The following SNX8 variants were observed in gnomAD, a reference collection of about 807,000 sequenced individuals.
The protein encoded by SNX8 is sorting nexin-8.
Under a neutral mutation model 51.6 loss-of-function variants are expected in SNX8, and 25 were observed. The ratio of observed to expected loss-of-function variants is 0.48; its 90% CI spans 0.35 to 0.68. SNX8 has a LOEUF of 0.68. SNX8 is among the 30% of genes least tolerant of loss of function. The pLI, the probability that SNX8 is intolerant of heterozygous loss-of-function variation, is 0.00. For missense variants in SNX8, 695 were observed against 624.0 expected, an observed-to-expected ratio of 1.11 and a Z score of -1.21; for synonymous variants, 324 against 277.0, an observed-to-expected ratio of 1.17 and a Z score of -1.68.
chr7:2,318,578 C>T (rs192641819), upstream of SNX8, among the ~76,000 whole-genome samples: 2 of 151,700 alleles, frequency 1.3e-5, no homozygotes, highest in East Asian at 3.9e-4. Flanking sequence ...CGCCTGTAAT[C>T]CCAGCTACTC....
At chr7:2,282,377 T>G (rs983320187) in intron 1 of SNX8, among the ~76,000 whole-genome samples, 7 of 152,196 alleles carry the variant, frequency 4.6e-5, no homozygotes, top group Admixed American at 4.6e-4. Context: ...AAACCAGGCA[T>G]GCGGTGAGGG....
intron 3 of SNX8, among the ~76,000 whole-genome samples, chr7:2,273,535 G>T (rs1323156441): frequency 6.7e-6 from 1 of 150,044 alleles, no homozygotes; most frequent in Non-Finnish European, 1.5e-5. Flanking sequence ...GCAGTGAGCC[G>T]AGACCGCACC....
At position 2,328,851 on chromosome 7, in the gene SNX8, C is replaced by T. The variant is rs1480017226; in HGVS notation, c.-66+25371G>A. Among the ~76,000 whole-genome samples, 5 of 151,812 alleles carry T rather than the reference C, an allele frequency of 3.3e-5. No individual in the cohort carries two copies. The East Asian group carries it at 5.8e-4, about 18-fold the overall frequency. On this transcript the variant is annotated intron_variant, in intron 1 of 5. Coordinates refer to the SNX8 transcript ENST00000435336. ...CTGTAATCCCAGCACTTTGGGAGGC[C>T]GAGGTGGGTGGATCACAAGGTCAGG... is the stretch of plus-strand genomic sequence containing the variant.
At chr7:2,295,263 G>C (rs969361049) in intron 1 of SNX8, among the ~76,000 whole-genome samples, 1 of 151,850 alleles carries the variant, frequency 6.6e-6, no homozygotes, top group Non-Finnish European at 1.5e-5. Flanking sequence ...AATTAGCCAA[G>C]TGTGGTGGCA....
chr7:2,346,669 C>T (rs1779033490), intron 1 of SNX8, among the ~76,000 whole-genome samples: 1 of 137,802 alleles, frequency 7.3e-6, no homozygotes, highest in African/African-American at 2.6e-5. Flanking sequence ...TGGCGTGAAC[C>T]TGGGAGGCGG....
In SNX8 at chr7:2,304,350, C is replaced by A. The variant is rs527645465; in HGVS notation, c.94+9978G>T. The stretch of plus-strand genomic sequence containing the variant: ...ACGAGGTCAGGAGATAGAGACCATC[C>A]TGGCTAACAGGGTGAAACCCCATCT... On this transcript the variant is annotated intron_variant, in intron 1 of 10. Coordinates refer to ENST00000222990, the MANE Select transcript of SNX8 (RefSeq NM_013321.4). 9.3e-5 allele frequency among the ~76,000 whole-genome samples: 14 copies of A among 151,080 alleles called. No individual in the cohort carries two copies. The East Asian group carries it at 2.6e-3, about 28-fold the overall frequency.
At chr7:2,302,895 C>T (rs868236496) in intron 1 of SNX8, among the ~76,000 whole-genome samples, 12 of 147,790 alleles carry the variant, frequency 8.1e-5, no homozygotes, top group African/African-American at 2.5e-4. Context: ...GTGAGGAGCC[C>T]CTCCGCCCGG....
intron 1 of SNX8, 149 bp downstream of exon 1, chr7:2,314,179 C>CCAG: frequency 3.5e-6 from 3 of 855,008 alleles, no homozygotes; most frequent in Non-Finnish European, 4.6e-6. Flanking sequence ...GCAGGGGGAC[C>CCAG]TCCGAGGGAC....
intron 1 of SNX8, among the ~76,000 whole-genome samples, chr7:2,333,261 C>G (rs908241106): frequency 1.1e-4 from 17 of 152,014 alleles, no homozygotes; most frequent in Admixed American, 1.1e-3. Context: ...GAGGCCCCCT[C>G]TTTACAAAAA....
At chr7:2,352,718 C>T (rs1267005584) in intron 1 of SNX8, among the ~76,000 whole-genome samples, 2 of 152,082 alleles carry the variant, frequency 1.3e-5, no homozygotes, top group Non-Finnish European at 2.9e-5. Flanking sequence ...CACCTGTATT[C>T]CCAGCTACTT....
intron 1 of SNX8, among the ~76,000 whole-genome samples, chr7:2,296,013 C>T (rs1796266504): frequency 2.0e-5 from 3 of 152,140 alleles, no homozygotes; most frequent in Admixed American, 2.0e-4. Flanking sequence ...TCAGGTAATG[C>T]GATCCCTCCA....
intron 1 of SNX8, among the ~76,000 whole-genome samples, chr7:2,338,025 G>A (rs1778861170): frequency 6.6e-6 from 1 of 152,138 alleles, no homozygotes; most frequent in South Asian, 2.1e-4. Flanking sequence ...TACAAACAGT[G>A]TAATAAAGAC....
rs1796660985 is a variant in SNX8, at chr7:2,311,722, G to C, written c.94+2606C>G. The stretch of plus-strand genomic sequence containing the variant: ...GGAGGCCGAGGCGGCTAGATCACGA[G>C]GTCAGGAGATCGAGACCATCCTGGC... On this transcript the variant is annotated intron_variant, in intron 1 of 10. Coordinates refer to ENST00000222990, the MANE Select transcript of SNX8 (RefSeq NM_013321.4). 2.6e-5 allele frequency among the ~76,000 whole-genome samples: 4 copies of C among 152,140 alleles called. No individual in the cohort carries two copies. The South Asian group carries it at 8.3e-4, about 32-fold the overall frequency.
intron 1 of SNX8, among the ~76,000 whole-genome samples, chr7:2,303,165 C>A (rs1300843393): frequency 1.3e-5 from 2 of 148,632 alleles, no homozygotes; most frequent in Non-Finnish European, 3.0e-5. Flanking sequence ...AGTGCCTCTG[C>A]CCAGCCGTCC....
intron 1 of SNX8, among the ~76,000 whole-genome samples, chr7:2,349,600 A>C (rs1252313265): frequency 1.3e-5 from 2 of 151,030 alleles, no homozygotes; most frequent in African/African-American, 4.9e-5. Context: ...GCACGCCCCC[A>C]CACACAACTA....
chr7:2,267,369 C>A (rs1192150119), intron 5 of SNX8, among the ~76,000 whole-genome samples: 5 of 134,970 alleles, frequency 3.7e-5, no homozygotes. Context: ...CCCTCTCATG[C>A]GGAGCCGAAG....
At chr7:2,302,255 G>C (rs1015972608) in intron 1 of SNX8, among the ~76,000 whole-genome samples, 1 of 152,162 alleles carries the variant, frequency 6.6e-6, no homozygotes, top group Non-Finnish European at 1.5e-5. Context: ...GGCTCGCGCC[G>C]CCACGCCTGA....
At chr7:2,263,463 T>A in intron 6 of SNX8, 101 bp from the exon 7 acceptor site, 2 of 1,215,464 alleles carry the variant, frequency 1.6e-6, no homozygotes, top group Non-Finnish European at 2.3e-6. Context: ...CACGGCAACC[T>A]GCGTGACCCC....
intron 2 of SNX8, among the ~76,000 whole-genome samples, chr7:2,276,096 C>T (rs1795773829): frequency 6.6e-6 from 1 of 152,186 alleles, no homozygotes; most frequent in African/African-American, 2.4e-5. Context: ...GACCAAACTG[C>T]CCCCTTGACA....
Sources: gnomAD v4.1 joint callset for allele counts (sites outside exome capture counted in the v4.1 genomes callset) on GRCh38, gnomAD v4.1.1 for gene constraint, MANE v1.5 for transcripts, NCBI Gene and HGNC (gene_info 2026-07-23, HGNC 2026-07-21) for gene names.